The following PPFIA2 variants were observed in gnomAD, a reference collection of about 807,000 sequenced individuals.
PPFIA2 encodes the protein PPFI scaffold protein A2, also known as liprin-alpha-2.
PPFIA2 carries 46 observed loss-of-function variants against 175.5 expected under a neutral mutation model. That is an observed-to-expected ratio of 0.26 (90% CI 0.21 to 0.34). The LOEUF (loss-of-function observed/expected upper bound fraction) is 0.34. Ranked by LOEUF, PPFIA2 falls within the 10% of genes least tolerant of loss-of-function variation. The pLI is 1.00. For synonymous variants in PPFIA2, 568 were observed against 511.4 expected (o/e 1.11, Z -1.49); for missense variants, 1,179 against 1,506.1 (o/e 0.78, Z 3.60).
At chr12:81,516,965 T>A (rs1483441794) in intron 4 of PPFIA2, among the ~76,000 whole-genome samples, 1 of 152,176 alleles carries the variant, frequency 6.6e-6, no homozygotes, top group Non-Finnish European at 1.5e-5. Context: ...ATGAAAGATG[T>A]TGATAATCTT....
chr12:81,525,917 C>T (rs1369993517), intron 4 of PPFIA2, among the ~76,000 whole-genome samples: 1 of 151,980 alleles, frequency 6.6e-6, no homozygotes, highest in Non-Finnish European at 1.5e-5. Context: ...AGATACACAA[C>T]AAAATTCTTA....
chr12:81,393,485 A>C (rs1566627189), intron 8 of PPFIA2, among the ~76,000 whole-genome samples: 1 of 152,072 alleles, frequency 6.6e-6, no homozygotes, highest in Non-Finnish European at 1.5e-5. Flanking sequence ...ATCCCAAGGA[A>C]GAATATTTAA....
intron 15 of PPFIA2, among the ~76,000 whole-genome samples, chr12:81,361,815 T>C (rs909214659): frequency 1.3e-5 from 2 of 151,614 alleles, no homozygotes; most frequent in Non-Finnish European, 3.0e-5. Context: ...GAACTTCTAC[T>C]AAAAGCCTAT....
chr12:81,501,079 C>T lies in PPFIA2; in HGVS notation c.304-43213G>A, dbSNP rs961352929. On this transcript the variant is annotated intron_variant, in intron 4 of 32. Transcript: ENST00000549396. Reference sequence around the variant, plus strand: ...CTGCTCACAAGCCTCCAGTGGCTTCCGACCTCACTCACAGTAAAAGCCAAG... The same window carrying T: ...CTGCTCACAAGCCTCCAGTGGCTTCTGACCTCACTCACAGTAAAAGCCAAG... 4.6e-5 allele frequency among the ~76,000 whole-genome samples: 7 copies of T among 152,196 alleles called. No individual in the cohort carries two copies. The South Asian group carries it at 6.2e-4, about 13-fold the overall frequency.
Position 81,362,757 on chromosome 12 carries a change from G to C in PPFIA2, c.1573C>G (p.Leu525Val), listed in dbSNP as rs529851676. 1.3e-5 allele frequency: 20 copies of C among 1,545,734 alleles called. No homozygotes were observed. Among genetic ancestry groups the C allele is most frequent in the Non-Finnish European group, 1.8e-5 (20 of 1,142,750 alleles). ...TTCAATTGGTCAAGTTCAGATCTCA[G>C]CTTTTCAATTTCTTCTGCTAATCTT... ...KERLAEEIEKLRSELDQLKMR... is the reference protein window; with the variant it reads ...KERLAEEIEKVRSELDQLKMR... Residue 525 changes from leucine (L) to valine (V), a missense_variant, in exon 15 of 33, where the codon CTG becomes GTG. By Grantham distance (32) the Leu-to-Val change is conservative. Coordinates refer to ENST00000549396, the MANE Select transcript of PPFIA2 (RefSeq NM_003625.5).
At position 81,299,365 on chromosome 12, in the gene PPFIA2, T is replaced by G. The variant is rs370077227; in HGVS notation, c.2660A>C (p.Glu887Ala). The G allele has an allele frequency of 1.1e-5, 17 of 1,589,814 alleles. No individual in the cohort carries two copies. Among genetic ancestry groups the G allele is most frequent in the Non-Finnish European group, 1.4e-5 (16 of 1,166,996 alleles). ...RLKKKHELLE[E>A]ARRKGLPFAQ... Reference sequence around the variant, plus strand: ...AAAAGGTAATCCCTTTCTCCGAGCTTCTTCAAGAAGTTCATGCCTGAAGTA... The same window carrying G: ...AAAAGGTAATCCCTTTCTCCGAGCTGCTTCAAGAAGTTCATGCCTGAAGTA... Residue 887 changes from glutamate to alanine, a missense_variant, in exon 23 of 33, where the codon GAA (glutamate) becomes GCA (alanine). This residue lies in a region of PPFIA2 where 44 missense variants were observed against 81.3 expected (regional missense o/e 0.54). Transcript: ENST00000549396.
intron 4 of PPFIA2, among the ~76,000 whole-genome samples, chr12:81,486,829 C>G (rs1478297018): frequency 6.6e-6 from 1 of 151,722 alleles, no homozygotes; most frequent in African/African-American, 2.4e-5. Context: ...TTTTATATAA[C>G]TGTCAACTCC....
chr12:81,613,067 T>G (rs540977191), intron 4 of PPFIA2, among the ~76,000 whole-genome samples: 5 of 152,358 alleles, frequency 3.3e-5, no homozygotes, highest in Admixed American at 2.6e-4. Context: ...ACAGACATGT[T>G]AGTTGATTAG....
intron 4 of PPFIA2, chr12:81,546,199 T>G: frequency 6.6e-6 from 1 of 152,156 alleles, no homozygotes; most frequent in East Asian, 1.9e-4. Flanking sequence ...CTGAATTTCT[T>G]CAGGCCAAGT....
At position 81,258,435 on chromosome 12, in the gene PPFIA2, G is replaced by C. The variant is rs1256893140; in HGVS notation, c.*1259C>G. On this transcript the variant is annotated 3_prime_UTR_variant, in exon 33 of 33. Coordinates refer to ENST00000549396, the MANE Select transcript of PPFIA2 (RefSeq NM_003625.5). The stretch of plus-strand genomic sequence containing the variant: ...TAATGACAGGTCTTGCGCTTAATAA[G>C]ATCAAGCAGCAGAAAATCAGCAGTT... 1.3e-5 allele frequency: 2 copies of C among 152,014 alleles called. No homozygotes were observed. The highest frequency in any genetic ancestry group is 2.9e-5 in the Non-Finnish European group (2 of 67,980). 9.4% of individuals were successfully genotyped at this position (152,014 alleles called of 1,614,324 possible). A position where few individuals can be genotyped will look rare whatever the true frequency, so the allele number is the denominator to read the frequency against.
chr12:81,723,609 T>C (rs568191763), intron 3 of PPFIA2, among the ~76,000 whole-genome samples: 1 of 151,086 alleles, frequency 6.6e-6, no homozygotes. Context: ...AGAATTACAC[T>C]TCTTTCATAA....
chr12:81,746,504 T>A lies in PPFIA2; in HGVS notation c.249+7469A>T, dbSNP rs568479864. 7.0e-4 allele frequency among the ~76,000 whole-genome samples: 101 copies of A among 143,538 alleles called. 5 individuals carry two copies. Among genetic ancestry groups the A allele is most frequent in the African/African-American group, 2.4e-3 (97 of 41,052 alleles). The allele number at this position is 143,538 out of a possible 152,430, so 94.2% of individuals were successfully genotyped here. A position where few individuals can be genotyped will look rare whatever the true frequency, so the allele number is the denominator to read the frequency against. On this transcript the variant is annotated intron_variant, in intron 3 of 32. Coordinates refer to ENST00000549396, the MANE Select transcript of PPFIA2 (RefSeq NM_003625.5). ...AAAAAATTGAGACAGTGAGAGCAAG[T>A]CTGGAGAATAAACTTGGAGAATAAG...
chr12:81,722,619 C>T (rs1362939440), intron 3 of PPFIA2, among the ~76,000 whole-genome samples: 1 of 150,952 alleles, frequency 6.6e-6, no homozygotes, highest in Non-Finnish European at 1.5e-5. Context: ...TTCAATTTCC[C>T]ACAGCAAAAT....
At chr12:81,423,107 A>G (rs946734013) in intron 7 of PPFIA2, among the ~76,000 whole-genome samples, 7 of 152,154 alleles carry the variant, frequency 4.6e-5, no homozygotes, top group African/African-American at 4.8e-5. Flanking sequence ...GAAAAATAAC[A>G]AATAAGGGGA....
intron 4 of PPFIA2, among the ~76,000 whole-genome samples, chr12:81,674,753 T>C (rs543674078): frequency 6.6e-6 from 1 of 152,150 alleles, no homozygotes; most frequent in East Asian, 1.9e-4. Context: ...TAATCTGACT[T>C]TCAGTTTTCT....
chr12:81,631,974 T>G (rs1489383431), intron 4 of PPFIA2, among the ~76,000 whole-genome samples: 2 of 152,212 alleles, frequency 1.3e-5, no homozygotes, highest in Non-Finnish European at 2.9e-5. Context: ...ATGTATTAAG[T>G]GTATAGCATT....
At chr12:81,533,452 T>C (rs1403953856) in intron 4 of PPFIA2, among the ~76,000 whole-genome samples, 1 of 151,562 alleles carries the variant, frequency 6.6e-6, no homozygotes, top group Non-Finnish European at 1.5e-5. Context: ...CTCAAATTTA[T>C]GCCAAATTAA....
intron 4 of PPFIA2, among the ~76,000 whole-genome samples, chr12:81,474,683 G>A (rs991052463): frequency 6.6e-6 from 1 of 152,140 alleles, no homozygotes; most frequent in Non-Finnish European, 1.5e-5. Flanking sequence ...CTTAACTGCT[G>A]TGAAATATAA....
chr12:81,752,711 T>A (rs1417919163), intron 3 of PPFIA2, among the ~76,000 whole-genome samples: 3 of 152,218 alleles, frequency 2.0e-5, no homozygotes, highest in Non-Finnish European at 4.4e-5. Context: ...TAGAATTTTA[T>A]CAACTTTGAA....
Sources: allele counts gnomAD v4.1 joint callset (sites outside exome capture counted in the v4.1 genomes callset), GRCh38; gene constraint gnomAD v4.1.1; regional missense constraint gnomAD v4.1.1; transcripts MANE v1.5; gene names NCBI Gene and HGNC (gene_info 2026-07-23, HGNC 2026-07-21).